JAM3: variants seen among roughly 807,000 people sequenced by gnomAD.
The protein encoded by JAM3 is junctional adhesion molecule C.
Under a neutral mutation model 39.4 loss-of-function variants are expected in JAM3, and 31 were observed. That is an observed-to-expected ratio of 0.79 (90% CI 0.59 to 1.06). The LOEUF (loss-of-function observed/expected upper bound fraction) is 1.06. JAM3 is among the 50% of genes least tolerant of loss of function. The pLI is 0.00. For synonymous variants in JAM3, 182 were observed against 148.7 expected, an observed-to-expected ratio of 1.22 and a Z score of -1.63; for missense variants, 455 against 391.4, an observed-to-expected ratio of 1.16 and a Z score of -1.37.
intron 1 of JAM3, among the ~76,000 whole-genome samples, chr11:134,106,022 A>C (rs1942178512): frequency 6.6e-6 from 1 of 152,240 alleles, no homozygotes; most frequent in Non-Finnish European, 1.5e-5. Context: ...TGGAACCAAA[A>C]AAGAGCCCAC....
At chr11:134,069,276 C>T in intron 1 of JAM3, 117 bp downstream of exon 1, 2 of 1,370,566 alleles carry the variant, frequency 1.5e-6, no homozygotes, top group South Asian at 1.3e-5. Context: ...TCCGAGGGCT[C>T]CCGGGGTCCC....
chr11:134,119,047 C>T (rs980576810), intron 1 of JAM3, among the ~76,000 whole-genome samples: 10 of 150,492 alleles, frequency 6.6e-5, no homozygotes, highest in African/African-American at 2.5e-4. Context: ...CAACTCACTG[C>T]AGCCTTTACC....
intron 3 of JAM3, among the ~76,000 whole-genome samples, chr11:134,141,842 C>A (rs1942978085): frequency 6.6e-6 from 1 of 151,870 alleles, no homozygotes; most frequent in South Asian, 2.1e-4. Context: ...GCAGGAGGTA[C>A]ACATGCAGGC....
At chr11:134,146,402 G>C (rs529018433) in intron 6 of JAM3, among the ~76,000 whole-genome samples, 11 of 115,548 alleles carry the variant, frequency 9.5e-5, no homozygotes, top group Non-Finnish European at 1.5e-4. Flanking sequence ...CCCTCTTGTA[G>C]AAAACTGACA....
intron 1 of JAM3, among the ~76,000 whole-genome samples, chr11:134,097,852 T>TTA (rs1271905112): frequency 2.0e-5 from 3 of 151,348 alleles, no homozygotes; most frequent in Non-Finnish European, 4.4e-5. Flanking sequence ...TAATTTTCTT[T>TTA]TATATATATG....
rs544529599 is a variant in JAM3, at chr11:134,116,108, C to T, written c.77-23743C>T. On this transcript the variant is annotated intron_variant, in intron 1 of 8. Coordinates refer to ENST00000299106, the MANE Select transcript of JAM3 (RefSeq NM_032801.5). ...CTATTTTTTAGGAGTTCAGCCCACACTCAAGGAGATGGAAATTAAGCTTCA... is the reference window on the plus strand; with the variant it reads ...CTATTTTTTAGGAGTTCAGCCCACATTCAAGGAGATGGAAATTAAGCTTCA... 3.9e-5 allele frequency among the ~76,000 whole-genome samples: 6 copies of T among 152,160 alleles called. No homozygotes were observed. The South Asian group carries it at 1.0e-3, about 26-fold the overall frequency.
At chr11:134,078,535 TC>T (rs1941610848) in intron 1 of JAM3, among the ~76,000 whole-genome samples, 1 of 152,232 alleles carries the variant, frequency 6.6e-6, no homozygotes, top group African/African-American at 2.4e-5. Context: ...TTCCCCGACT[TC>T]CTTGTGAGAC....
intron 1 of JAM3, among the ~76,000 whole-genome samples, chr11:134,104,018 T>A (rs1213367963): frequency 1.3e-5 from 2 of 152,182 alleles, no homozygotes; most frequent in Non-Finnish European, 2.9e-5. Flanking sequence ...ATAATAGACA[T>A]CTACAGAACT....
At chr11:134,129,010 C>T (rs1444710776) in intron 1 of JAM3, among the ~76,000 whole-genome samples, 2 of 152,080 alleles carry the variant, frequency 1.3e-5, no homozygotes, top group Non-Finnish European at 2.9e-5. Context: ...AAGGTGCTGG[C>T]AGGGTTGGTT....
rs186786713 is a variant in JAM3, at chr11:134,147,689, C to T, written c.713-858C>T. 9.9e-3 allele frequency: 1,416 copies of T among 142,564 alleles called. 16 individuals carry two copies. The highest frequency in any genetic ancestry group is 0.04 in the African/African-American group (1,331 of 33,380). The allele number at this position is 142,564 out of a possible 1,614,324, so 8.8% of individuals were successfully genotyped here. ...TTCTAGTAGAGACGGGGTTTCACCA[C>T]CTTAGCCAGGATGGTCTCGAATCTC... On this transcript the variant is annotated intron_variant, in intron 6 of 8. Transcript: ENST00000299106.
At position 134,148,754 on chromosome 11, in the gene JAM3, C is replaced by T. The variant is rs568101956; in HGVS notation, c.843-10C>T. ...AACCCTGTTGCTAAACTGCTCTCTT[C>T]TCCTCATAGTTACAAGAACCCAGGG... On this transcript the variant is annotated splice_polypyrimidine_tract_variant and intron_variant, in intron 7 of 8. Transcript: ENST00000299106. 13 of 1,613,666 alleles carry T rather than the reference C, an allele frequency of 8.1e-6. No homozygotes were observed. In the East Asian group the frequency reaches 1.8e-4, roughly 22 times the overall value.
chr11:134,119,415 A>G (rs939469683), intron 1 of JAM3, among the ~76,000 whole-genome samples: 1 of 152,238 alleles, frequency 6.6e-6, no homozygotes, highest in Non-Finnish European at 1.5e-5. Context: ...CTATACAGTG[A>G]AATGACTTAA....
In JAM3 at chr11:134,141,022, C is replaced by A. The variant is rs193171318; in HGVS notation, c.256+252C>A. Among the ~76,000 whole-genome samples, 4 of 152,286 alleles carry A rather than the reference C, an allele frequency of 2.6e-5. No individual in the cohort carries two copies. In the East Asian group the frequency reaches 7.7e-4, roughly 29 times the overall value. ...GTTCATTAGCTAGGATCTTAATCTG[C>A]TCACAGCCCCATTTCTTTGGGGAAT... On this transcript the variant is annotated intron_variant, in intron 3 of 8. Coordinates refer to ENST00000299106, the MANE Select transcript of JAM3 (RefSeq NM_032801.5).
intron 1 of JAM3, among the ~76,000 whole-genome samples, chr11:134,111,549 A>T (rs1365265182): frequency 6.6e-6 from 1 of 152,164 alleles, no homozygotes; most frequent in Non-Finnish European, 1.5e-5. Context: ...CATACCATTA[A>T]TTCGATGTTA....
At chr11:134,121,849 A>G (rs1482022877) in intron 1 of JAM3, among the ~76,000 whole-genome samples, 1 of 151,760 alleles carries the variant, frequency 6.6e-6, no homozygotes, top group Non-Finnish European at 1.5e-5. Context: ...ACACACACAC[A>G]CACCCTCCTC....
At chr11:134,102,830 C>G (rs1406375501) in intron 1 of JAM3, among the ~76,000 whole-genome samples, 1 of 151,292 alleles carries the variant, frequency 6.6e-6, no homozygotes, top group South Asian at 2.1e-4. Flanking sequence ...TAAAAAGAAA[C>G]AAACACAACC....
intron 1 of JAM3, among the ~76,000 whole-genome samples, chr11:134,073,246 GTT>G (rs1941511724): frequency 6.6e-6 from 1 of 152,048 alleles, no homozygotes; most frequent in Admixed American, 6.6e-5. Flanking sequence ...GTGTTGGTGT[GTT>G]TCTTTTGGTT....
intron 1 of JAM3, among the ~76,000 whole-genome samples, chr11:134,083,967 CT>C (rs909455346): frequency 2.0e-5 from 3 of 152,144 alleles, no homozygotes; most frequent in Admixed American, 6.5e-5. Context: ...GAAATATTAC[CT>C]TTTTTTCTCT....
Position 134,108,074 on chromosome 11 carries a change from A to G in JAM3, c.77-31777A>G, listed in dbSNP as rs76394004. Among the ~76,000 whole-genome samples, 1,505 of 152,218 alleles carry G rather than the reference A, an allele frequency of 9.9e-3. 20 individuals carry two copies. Among genetic ancestry groups the G allele is most frequent in the African/African-American group, 0.034 (1,409 of 41,568 alleles). On this transcript the variant is annotated intron_variant, in intron 1 of 8. Transcript: ENST00000299106. ...ACCTCTACTAGACTAATTGGGAACA[A>G]TAGAGAAAAGAAACAAGTTAACAAT...
Sources: gnomAD v4.1 joint callset for allele counts (sites outside exome capture counted in the v4.1 genomes callset) on GRCh38, gnomAD v4.1.1 for gene constraint, MANE v1.5 for transcripts, NCBI Gene and HGNC (gene_info 2026-07-23, HGNC 2026-07-21) for gene names.